UNK: variants seen among roughly 807,000 people sequenced by gnomAD.
UNK encodes the protein RING finger protein unkempt homolog.
In UNK, 32 loss-of-function variants were observed where a neutral mutation model predicts 97.6. The observed-to-expected ratio is 0.33, with a 90% CI of 0.25 to 0.44. UNK has a LOEUF of 0.44. UNK is among the 20% of genes least tolerant of loss of function. The pLI is 1.00. For missense variants in UNK, 771 were observed against 1,098.4 expected (o/e 0.70, Z 4.21); for synonymous variants, 441 against 461.2 (o/e 0.96, Z 0.56).
intron 1 of UNK, among the ~76,000 whole-genome samples, chr17:75,788,583 A>G (rs866192707): frequency 6.6e-6 from 1 of 151,558 alleles, no homozygotes; most frequent in South Asian, 2.1e-4. Flanking sequence ...TGAACTCCTG[A>G]CCTCGTGATC....
chr17:75,806,001 C>T (rs903743298), intron 1 of UNK, among the ~76,000 whole-genome samples: 2 of 151,218 alleles, frequency 1.3e-5, no homozygotes, highest in Non-Finnish European at 2.9e-5. Flanking sequence ...AATCCTAGCA[C>T]TTTGGGAGAC....
rs2062052953 is a variant in UNK at position 75,820,038 on chromosome 17, G to A, written c.1767G>A (p.Gln589=). The change falls in exon 13 of 16, where the codon CAG becomes CAA. Residue 589 remains glutamine, a synonymous_variant. Coordinates refer to ENST00000589666, the MANE Select transcript of UNK (RefSeq NM_001080419.3). Reference sequence around the variant, plus strand: ...TCAGCCTCTCCTCGCATTTCCTGCAGCAGCCCCAGGGCCACCTGAGTCAGT... The same window carrying A: ...TCAGCCTCTCCTCGCATTTCCTGCAACAGCCCCAGGGCCACCTGAGTCAGT... ...PPVSLSSHFL[Q]QPQGHLSQSE... The A allele has an allele frequency of 6.2e-7, 1 of 1,613,792 alleles. No individual in the cohort carries two copies. The highest frequency in any genetic ancestry group is 1.3e-5 in the African/African-American group (1 of 74,954).
rs2062100327 is a variant in UNK, at chr17:75,824,485, TATGA to T, written c.*71_*74del. ...GGACTTTTTAAAGTATATATATATA[TATGA>T]ATATATATATATATGTGTATGTATG... On this transcript the variant is annotated 3_prime_UTR_variant, in exon 16 of 16. Coordinates refer to ENST00000589666, the MANE Select transcript of UNK (RefSeq NM_001080419.3). The surrounding 1 kb of genome is among the most constrained non-coding windows in gnomAD (Gnocchi z 4.9). 3.7e-5 allele frequency: 37 copies of T among 997,374 alleles called. No homozygotes were observed. Among genetic ancestry groups the T allele is most frequent in the South Asian group, 4.5e-5 (1 of 22,174 alleles). The allele number at this position is 997,374 out of a possible 1,614,324, so 61.8% of individuals were successfully genotyped here. A position where few individuals can be genotyped will look rare whatever the true frequency, so the allele number is the denominator to read the frequency against.
At chr17:75,790,803 T>C (rs1224981226) in intron 1 of UNK, among the ~76,000 whole-genome samples, 4 of 151,802 alleles carry the variant, frequency 2.6e-5, no homozygotes, top group Non-Finnish European at 5.9e-5. Context: ...TGGTGGTGCA[T>C]GCCTGTAATC....
intron 6 of UNK, 68 bp from the exon 7 acceptor site, chr17:75,815,101 G>T: frequency 1.4e-5 from 21 of 1,455,836 alleles, no homozygotes; most frequent in Non-Finnish European, 2.0e-5. Flanking sequence ...ACTCATGCTG[G>T]AGGAAGGGGA....
At position 75,819,318 on chromosome 17, in the gene UNK, C is replaced by G. The variant is rs1257248397; in HGVS notation, c.1547-366C>G. The G allele has an allele frequency of 3.0e-6, 1 of 327,976 alleles. No individual in the cohort carries two copies. The highest frequency in any genetic ancestry group is 7.8e-5 in the East Asian group (1 of 12,898). 20.3% of individuals were successfully genotyped at this position (327,976 alleles called of 1,614,324 possible). A position where few individuals can be genotyped will look rare whatever the true frequency, so the allele number is the denominator to read the frequency against. On this transcript the variant is annotated intron_variant, in intron 11 of 15. Transcript: ENST00000589666. The surrounding 1 kb of genome is among the most constrained non-coding windows in gnomAD (Gnocchi z 5.4). ...ACATTTGTCAAGCACCTGCTATACA[C>G]CAGCCACTGAGTGCCCAGAGACCCG... is the stretch of plus-strand genomic sequence containing the variant.
rs766855854 is a variant in UNK, at chr17:75,818,502, G to A, written c.1372-140G>A. ...CTCTCAACAAGGTGTCGGGTGTGCC[G>A]GGGCCCATGTGGGCATGGGGGCACC... On this transcript the variant is annotated intron_variant, in intron 10 of 15. Transcript: ENST00000589666. This position sits in a 1 kb window ranked among gnomAD's most constrained non-coding sequence, Gnocchi z 5.1. 1.9e-5 allele frequency: 19 copies of A among 999,734 alleles called. No individual in the cohort carries two copies. The highest frequency in any genetic ancestry group is 5.8e-5 in the Admixed American group (2 of 34,232). 61.9% of individuals were successfully genotyped at this position (999,734 alleles called of 1,614,324 possible).
At chr17:75,807,494 T>A (rs2061929551) in intron 1 of UNK, among the ~76,000 whole-genome samples, 1 of 152,256 alleles carries the variant, frequency 6.6e-6, no homozygotes, top group Non-Finnish European at 1.5e-5. Flanking sequence ...TTGCTCTTAT[T>A]GCCCTGGCTG....
intron 1 of UNK, chr17:75,791,939 C>G (rs1398265633): frequency 1.0e-6 from 1 of 985,290 alleles, no homozygotes; most frequent in East Asian, 1.1e-4. Context: ...CTGCAAATAG[C>G]ACCCCAGATA....
chr17:75,809,036 G>A (rs1353476556), intron 1 of UNK: 2 of 147,334 alleles, frequency 1.4e-5, no homozygotes, highest in African/African-American at 5.0e-5. Flanking sequence ...CCCGGCTGCT[G>A]CAGGTACTCA....
In UNK at chr17:75,820,004, C is replaced by G; in HGVS notation, c.1733C>G (p.Ser578Cys). The change falls in exon 13 of 16, where the codon TCC becomes TGC. Residue 578 changes from serine to cysteine, a missense_variant. Around this residue, in one of 5 missense-constraint regions of UNK, gnomAD observed 91 missense variants for 173.1 expected, o/e 0.53. Transcript: ENST00000589666. ...GCCTCCTTCCACTCAGCATCCCCGT[C>G]CCCTCCCGTCAGCCTCTCCTCGCAT... is the stretch of plus-strand genomic sequence containing the variant. ...SSASFHSASP[S>C]PPVSLSSHFL... 6.2e-7 allele frequency: 1 copy of G among 1,613,880 alleles called. No individual in the cohort carries two copies. Among genetic ancestry groups the G allele is most frequent in the Non-Finnish European group, 8.5e-7 (1 of 1,179,880 alleles).
At position 75,816,746 on chromosome 17, in the gene UNK, G is replaced by T. The variant is rs1181225016; in HGVS notation, c.962-24G>T. On this transcript the variant is annotated intron_variant, in intron 7 of 15. Transcript: ENST00000589666. This position sits in a 1 kb window ranked among gnomAD's most constrained non-coding sequence, Gnocchi z 4.0. ...GGGACAGAGCTGGCTGGGGCCTGCTGACCCCTGCCCCTGACTCTTGCAGAG... is the reference window on the plus strand; with the variant it reads ...GGGACAGAGCTGGCTGGGGCCTGCTTACCCCTGCCCCTGACTCTTGCAGAG... 6.3e-7 allele frequency: 1 copy of T among 1,584,844 alleles called. No homozygotes were observed. The highest frequency in any genetic ancestry group is 8.6e-7 in the Non-Finnish European group (1 of 1,169,136).
In UNK at chr17:75,784,885, C is replaced by T. The variant is rs1229932107; in HGVS notation, c.5C>T (p.Ser2Leu). ...AAGAGGCAGGAAGACAAGACCATGTCGAAGGGCCCCGGGCCCGGCGGCTCC... is the reference window on the plus strand; with the variant it reads ...AAGAGGCAGGAAGACAAGACCATGTTGAAGGGCCCCGGGCCCGGCGGCTCC... Reference protein sequence around the residue: MSKGPGPGGSAA... With the variant: MLKGPGPGGSAA... The change falls in exon 1 of 16, where the codon TCG (serine) becomes TTG (leucine). Residue 2 changes from serine to leucine, a missense_variant. By Grantham distance (145) the Ser-to-Leu change is moderately radical. This residue lies in a region of UNK where 34 missense variants were observed against 24.7 expected (regional missense o/e 1.37). Transcript: ENST00000589666. 2 of 1,593,028 alleles carry T rather than the reference C, an allele frequency of 1.3e-6. No individual in the cohort carries two copies. Among genetic ancestry groups the T allele is most frequent in the Admixed American group, 1.8e-5 (1 of 55,218 alleles).
Position 75,818,262 on chromosome 17 carries a change from C to G in UNK, c.1371+94C>G, listed in dbSNP as rs2062034810. The G allele has an allele frequency of 3.5e-6, 5 of 1,425,172 alleles. No individual in the cohort carries two copies. Among genetic ancestry groups the G allele is most frequent in the Admixed American group, 2.0e-5 (1 of 51,222 alleles). The allele number at this position is 1,425,172 out of a possible 1,614,324, so 88.3% of individuals were successfully genotyped here. ...TCGGGGAGTGGGAGGCACCACTTTT[C>G]CCAAAAGCTGAGGGCAGGACTAAAG... On this transcript the variant is annotated intron_variant, in intron 10 of 15. Coordinates refer to ENST00000589666, the MANE Select transcript of UNK (RefSeq NM_001080419.3). This position sits in a 1 kb window ranked among gnomAD's most constrained non-coding sequence, Gnocchi z 5.1.
intron 1 of UNK, among the ~76,000 whole-genome samples, chr17:75,797,317 C>G (rs1313865864): frequency 6.6e-6 from 1 of 152,208 alleles, no homozygotes; most frequent in Non-Finnish European, 1.5e-5. Context: ...CTCACTACAA[C>G]CTCTGCCTCC....
chr17:75,815,008 G>A (rs914487900), intron 6 of UNK, among the ~76,000 whole-genome samples, 161 bp from the exon 7 acceptor site: 6 of 152,260 alleles, frequency 3.9e-5, no homozygotes, highest in Admixed American at 1.3e-4. Flanking sequence ...TCAGGAGTTT[G>A]AGTAAGAAGC....
At chr17:75,821,726 G>A (rs1490531930) in intron 13 of UNK, 1 of 456,574 alleles carries the variant, frequency 2.2e-6, no homozygotes, top group Non-Finnish European at 4.4e-6. Flanking sequence ...AGGTGGATAT[G>A]GGTCCTTCTC....
At chr17:75,799,366 T>C (rs2061835961) in intron 1 of UNK, among the ~76,000 whole-genome samples, 1 of 152,196 alleles carries the variant, frequency 6.6e-6, no homozygotes, top group Admixed American at 6.5e-5. Flanking sequence ...AAGAGCCAGA[T>C]GCCAGCAACC....
In UNK at chr17:75,823,493, C is replaced by T. The variant is rs756859661; in HGVS notation, c.2248C>T (p.Leu750=). Reference sequence around the variant, plus strand: ...CACCCTCTACTCCCTCCAGAAACAACTGCGGGCCCACCTGGAACAAGTGGA... The same window carrying T: ...CACCCTCTACTCCCTCCAGAAACAATTGCGGGCCCACCTGGAACAAGTGGA... ...LSTLYSLQKQ[L]RAHLEQVDKA... Residue 750 remains leucine (L), a synonymous_variant, in exon 15 of 16, where the codon CTG becomes TTG. Coordinates refer to ENST00000589666, the MANE Select transcript of UNK (RefSeq NM_001080419.3). 2 of 1,567,252 alleles carry T rather than the reference C, an allele frequency of 1.3e-6. No individual in the cohort carries two copies. Among genetic ancestry groups the T allele is most frequent in the Non-Finnish European group, 1.7e-6 (2 of 1,150,748 alleles).
Sources: allele counts gnomAD v4.1 joint callset (sites outside exome capture counted in the v4.1 genomes callset), GRCh38; gene constraint gnomAD v4.1.1; regional missense constraint gnomAD v4.1.1; non-coding constraint Gnocchi (gnomAD v3.1); transcripts MANE v1.5; gene names NCBI Gene and HGNC (gene_info 2026-07-23, HGNC 2026-07-21).